OPCML: variants seen among roughly 807,000 people sequenced by gnomAD.
OPCML encodes the protein opioid-binding protein/cell adhesion molecule.
In OPCML, 13 loss-of-function variants were observed where a neutral mutation model predicts 37.8. That is an observed-to-expected ratio of 0.34 (90% CI 0.22 to 0.55). The LOEUF is 0.55. OPCML is among the 20% of genes least tolerant of loss of function. The pLI is 0.91. For missense variants in OPCML, 341 were observed against 435.6 expected, an observed-to-expected ratio of 0.78 and a Z score of 1.93; for synonymous variants, 176 against 168.8, an observed-to-expected ratio of 1.04 and a Z score of -0.33.
At chr11:132,579,208 C>A (rs58817089) in intron 3 of OPCML, among the ~76,000 whole-genome samples, 3,641 of 152,186 alleles carry the variant, frequency 0.024, 104 homozygotes, top group East Asian at 0.053. Context: ...ACATCGCTCA[C>A]TTCCTCCAAT....
Position 133,151,839 on chromosome 11 carries a change from C to T in OPCML, c.62-208829G>A, listed in dbSNP as rs141008068. On this transcript the variant is annotated intron_variant, in intron 1 of 7. Transcript: ENST00000524381. Reference sequence around the variant, plus strand: ...TCAGCAAAAATCTCAACTGAGATCCCCAAGGCTGAAAAAAGACCCCAGGCC... The same window carrying T: ...TCAGCAAAAATCTCAACTGAGATCCTCAAGGCTGAAAAAAGACCCCAGGCC... 3.6e-3 allele frequency among the ~76,000 whole-genome samples: 555 copies of T among 152,172 alleles called. 1 individual carries two copies. Among genetic ancestry groups the T allele is most frequent in the Non-Finnish European group, 5.6e-3 (378 of 68,008 alleles).
At chr11:133,049,060 G>T (rs969944933) in intron 1 of OPCML, among the ~76,000 whole-genome samples, 9 of 152,196 alleles carry the variant, frequency 5.9e-5, no homozygotes, top group African/African-American at 2.2e-4. Context: ...TTCACTCTTA[G>T]CACTATGGAT....
intron 2 of OPCML, among the ~76,000 whole-genome samples, chr11:132,726,144 C>G (rs1944872815): frequency 6.6e-6 from 1 of 152,180 alleles, no homozygotes; most frequent in Non-Finnish European, 1.5e-5. Context: ...ATCTTTTCAG[C>G]AGCGCCCCAC....
chr11:133,392,332 C>G (rs1410830988), intron 1 of OPCML, among the ~76,000 whole-genome samples: 6 of 152,202 alleles, frequency 3.9e-5, no homozygotes, highest in African/African-American at 1.4e-4. Flanking sequence ...ATCCTGGAAA[C>G]TTCACCTTAA....
intron 3 of OPCML, among the ~76,000 whole-genome samples, chr11:132,653,071 G>A (rs1265613325): frequency 6.6e-6 from 1 of 152,220 alleles, no homozygotes; most frequent in Non-Finnish European, 1.5e-5. Context: ...CCTTTCTGGT[G>A]TTAGGTTACA....
At chr11:133,146,478 C>A (rs897973184) in intron 1 of OPCML, among the ~76,000 whole-genome samples, 2 of 152,070 alleles carry the variant, frequency 1.3e-5, no homozygotes, top group Non-Finnish European at 2.9e-5. Context: ...CCATGCCCAG[C>A]TAATTTTTGT....
rs1009824485 is a variant in OPCML, at chr11:132,418,893, C to T, written c.*1300G>A. 6.6e-6 allele frequency: 1 copy of T among 152,630 alleles called. No individual in the cohort carries two copies. Among genetic ancestry groups the T allele is most frequent in the Non-Finnish European group, 1.5e-5 (1 of 68,044 alleles). The allele number at this position is 152,630 out of a possible 1,614,324, so 9.5% of individuals were successfully genotyped here. ...TTGTCCTTCAAGTGCAAAAGGAAAA[C>T]CACAGTGCTAATCAAAACTTTTCTA... is the stretch of plus-strand genomic sequence containing the variant. On this transcript the variant is annotated 3_prime_UTR_variant, in exon 8 of 8. Transcript: ENST00000524381.
At chr11:133,039,730 G>A (rs542489977) in intron 1 of OPCML, among the ~76,000 whole-genome samples, 11 of 152,212 alleles carry the variant, frequency 7.2e-5, no homozygotes, top group Non-Finnish European at 1.3e-4. Flanking sequence ...TCAGGCAGAC[G>A]TCGTGGACCG....
chr11:133,234,261 A>C (rs1940415608), intron 1 of OPCML, among the ~76,000 whole-genome samples: 1 of 150,892 alleles, frequency 6.6e-6, no homozygotes, highest in Non-Finnish European at 1.5e-5. Context: ...CAACAACAAC[A>C]ACAAAAAAAA....
At chr11:133,457,274 C>T (rs1032742592) in intron 1 of OPCML, among the ~76,000 whole-genome samples, 5 of 152,188 alleles carry the variant, frequency 3.3e-5, no homozygotes, top group Admixed American at 2.6e-4. Flanking sequence ...GGCTTATCAC[C>T]GTAATTCTAG....
At chr11:133,110,936 C>A (rs1413358202) in intron 1 of OPCML, among the ~76,000 whole-genome samples, 2 of 152,112 alleles carry the variant, frequency 1.3e-5, no homozygotes, top group Non-Finnish European at 2.9e-5. Context: ...GTTAGTAAAC[C>A]TTTCTGGTCC....
chr11:132,681,752 G>T (rs540592283), intron 2 of OPCML, among the ~76,000 whole-genome samples: 1 of 152,110 alleles, frequency 6.6e-6, no homozygotes, highest in African/African-American at 2.4e-5. Context: ...TCAGGAGATC[G>T]AGACCATCCT....
chr11:133,255,775 G>A (rs1261437928), intron 1 of OPCML, among the ~76,000 whole-genome samples: 1 of 152,054 alleles, frequency 6.6e-6, no homozygotes, highest in Non-Finnish European at 1.5e-5. Flanking sequence ...TAGATAAGCA[G>A]GCACTTTTAA....
chr11:132,662,450 G>A (rs1006138717), intron 2 of OPCML, among the ~76,000 whole-genome samples: 1 of 146,258 alleles, frequency 6.8e-6, no homozygotes, highest in South Asian at 2.1e-4. Context: ...TCATTCAACA[G>A]ATATGGAGTG....
chr11:132,956,686 C>T (rs1945983085), intron 1 of OPCML, among the ~76,000 whole-genome samples: 1 of 152,192 alleles, frequency 6.6e-6, no homozygotes, highest in Admixed American at 6.5e-5. Flanking sequence ...TGACTAGCCT[C>T]TTTTCGTCCA....
chr11:132,623,839 C>T (rs994317968), intron 3 of OPCML, among the ~76,000 whole-genome samples: 1 of 152,214 alleles, frequency 6.6e-6, no homozygotes, highest in Non-Finnish European at 1.5e-5. Context: ...AGAATAGTCT[C>T]CACTTTCACT....
chr11:133,022,369 C>T (rs1389709978), intron 1 of OPCML, among the ~76,000 whole-genome samples: 2 of 152,272 alleles, frequency 1.3e-5, no homozygotes, highest in East Asian at 3.9e-4. Flanking sequence ...ACACATTAAA[C>T]ATGTAGATTT....
intron 1 of OPCML, among the ~76,000 whole-genome samples, chr11:133,316,094 A>C (rs1439987601): frequency 1.3e-5 from 2 of 152,164 alleles, no homozygotes; most frequent in Non-Finnish European, 2.9e-5. Context: ...GCCTGGTAGG[A>C]ATTATAGGCA....
At chr11:133,291,091 C>T (rs1002390330) in intron 1 of OPCML, among the ~76,000 whole-genome samples, 4 of 152,216 alleles carry the variant, frequency 2.6e-5, no homozygotes, top group Non-Finnish European at 5.9e-5. Context: ...GTAACACCAA[C>T]ATTATTCGTG....
Sources: gnomAD v4.1 joint callset for allele counts (sites outside exome capture counted in the v4.1 genomes callset) on GRCh38, gnomAD v4.1.1 for gene constraint, MANE v1.5 for transcripts, NCBI Gene and HGNC (gene_info 2026-07-23, HGNC 2026-07-21) for gene names.